TCERG1L: variants seen among roughly 807,000 people sequenced by gnomAD.
TCERG1L encodes transcription elongation regulator 1-like protein.
In TCERG1L, 37 loss-of-function variants were observed where a neutral mutation model predicts 56.3. The observed-to-expected ratio is 0.66, with a 90% CI of 0.51 to 0.87. TCERG1L has a LOEUF of 0.87. TCERG1L is among the 40% of genes least tolerant of loss of function. The pLI, the probability that TCERG1L is intolerant of heterozygous loss-of-function variation, is 0.00. For missense variants in TCERG1L, 799 were observed against 774.2 expected, an observed-to-expected ratio of 1.03 and a Z score of -0.38; for synonymous variants, 324 against 326.3, an observed-to-expected ratio of 0.99 and a Z score of 0.08.
intron 4 of TCERG1L, among the ~76,000 whole-genome samples, chr10:131,171,032 G>C (rs1408762200): frequency 6.6e-6 from 1 of 152,108 alleles, no homozygotes; most frequent in Non-Finnish European, 1.5e-5. Flanking sequence ...TGTAATCCCA[G>C]CTACTCAGGA....
intron 9 of TCERG1L, among the ~76,000 whole-genome samples, chr10:131,107,291 G>A (rs752545848): frequency 7.9e-5 from 12 of 152,284 alleles, no homozygotes; most frequent in African/African-American, 1.9e-4. Flanking sequence ...GTGGCATAAC[G>A]ACACCAGTTT....
At chr10:131,203,755 C>A (rs1385199615) in intron 4 of TCERG1L, among the ~76,000 whole-genome samples, 1 of 152,192 alleles carries the variant, frequency 6.6e-6, no homozygotes, top group Non-Finnish European at 1.5e-5. Context: ...ATCCCGCCGG[C>A]GAGCGCTAGC....
Position 131,111,936 on chromosome 10 carries a change from G to GC in TCERG1L, c.1395+4862dup, listed in dbSNP as rs1288754222. Among the ~76,000 whole-genome samples the GC allele has an allele frequency of 9.1e-5, 13 of 142,880 alleles. 1 individual carries two copies. The highest frequency in any genetic ancestry group is 1.9e-4 in the Non-Finnish European group (12 of 63,384). 93.7% of individuals were successfully genotyped at this position (142,880 alleles called of 152,430 possible). On this transcript the variant is annotated intron_variant, in intron 9 of 11. Coordinates refer to ENST00000368642, the MANE Select transcript of TCERG1L (RefSeq NM_174937.4). ...CCCTTGGTCCCTAGTCATGGGCCCTGCCCCCCAGCCTCTCTTCTCAGCGCA... is the reference window on the plus strand; with the variant it reads ...CCCTTGGTCCCTAGTCATGGGCCCTGCCCCCCCAGCCTCTCTTCTCAGCGCA...
intron 4 of TCERG1L, among the ~76,000 whole-genome samples, chr10:131,246,469 G>A (rs905655498): frequency 2.6e-5 from 4 of 152,106 alleles, no homozygotes; most frequent in Non-Finnish European, 2.9e-5. Flanking sequence ...GGCCCCACAT[G>A]ACTGGGACAG....
At chr10:131,300,879 ATGCAAT>A (rs1846755007) in intron 3 of TCERG1L, among the ~76,000 whole-genome samples, 1 of 152,038 alleles carries the variant, frequency 6.6e-6, no homozygotes, top group Non-Finnish European at 1.5e-5. Flanking sequence ...CTGTTAGTGA[ATGCAAT>A]TTTGTCAGTG....
intron 10 of TCERG1L, among the ~76,000 whole-genome samples, chr10:131,099,402 C>T (rs192719346): frequency 7.8e-4 from 119 of 152,334 alleles, no homozygotes; most frequent in Non-Finnish European, 1.5e-3. Context: ...CCTAATGCTA[C>T]CCCAAACTCA....
rs192685488 is a variant in TCERG1L at position 131,113,362 on chromosome 10, G to T, written c.1395+3437C>A. 1.4e-5 allele frequency among the ~76,000 whole-genome samples: 2 copies of T among 141,944 alleles called. 1 individual carries two copies. The highest frequency in any genetic ancestry group is 5.0e-5 in the African/African-American group (2 of 40,302). 93.1% of individuals were successfully genotyped at this position (141,944 alleles called of 152,430 possible). On this transcript the variant is annotated intron_variant, in intron 9 of 11. Transcript: ENST00000368642. ...CCAGCCTAGCCCTTTCTGTGCACGC[G>T]TGCCCTGGCTGAAGGCTGGTGAAGC...
intron 3 of TCERG1L, among the ~76,000 whole-genome samples, chr10:131,285,504 GAAAGAAAGAAAGAA>G (rs1564833879): frequency 1.9e-4 from 4 of 20,986 alleles, no homozygotes; most frequent in African/African-American, 3.6e-4. Flanking sequence ...AAGAAAGAAA[GAAAGAAAGAAAGAA>G]AGAAAGAGAG....
At chr10:131,151,906 G>A (rs1053476713) in intron 6 of TCERG1L, among the ~76,000 whole-genome samples, 2 of 152,216 alleles carry the variant, frequency 1.3e-5, no homozygotes, top group Admixed American at 6.5e-5. Context: ...AGCCACCAAG[G>A]CTTGGGGCTT....
At chr10:131,184,087 T>C (rs1273538840) in intron 4 of TCERG1L, among the ~76,000 whole-genome samples, 2 of 152,202 alleles carry the variant, frequency 1.3e-5, no homozygotes, top group African/African-American at 4.8e-5. Context: ...TGCTCTCCTC[T>C]TTGCCCAGCA....
intron 10 of TCERG1L, among the ~76,000 whole-genome samples, chr10:131,102,178 T>C (rs183081898): frequency 6.7e-4 from 102 of 152,372 alleles, no homozygotes; most frequent in African/African-American, 2.2e-3. Flanking sequence ...TTAAAATATT[T>C]CTTTATAGAA....
At chr10:131,231,719 T>G (rs1222300847) in intron 4 of TCERG1L, among the ~76,000 whole-genome samples, 1 of 152,012 alleles carries the variant, frequency 6.6e-6, no homozygotes, top group East Asian at 1.9e-4. Flanking sequence ...GGCCGGCACG[T>G]GGGGGGAAGT....
At position 131,136,443 on chromosome 10, in the gene TCERG1L, GCCACCT is replaced by G. The variant is rs540321990; in HGVS notation, c.1190-2001_1190-1996del. ...CTTGAGAGGAAACCATGAGACTGGG[GCCACCT>G]CCGTGGCTGCTGCCCCAGGGAGGGG... On this transcript the variant is annotated intron_variant, in intron 7 of 11. Coordinates refer to ENST00000368642, the MANE Select transcript of TCERG1L (RefSeq NM_174937.4). Among the ~76,000 whole-genome samples, 906 of 152,234 alleles carry G rather than the reference GCCACCT, an allele frequency of 6.0e-3. 5 individuals carry two copies. The highest frequency in any genetic ancestry group is 9.7e-3 in the Non-Finnish European group (663 of 68,020).
intron 3 of TCERG1L, among the ~76,000 whole-genome samples, chr10:131,279,460 G>A (rs558590635): frequency 2.9e-4 from 44 of 152,256 alleles, no homozygotes; most frequent in African/African-American, 9.1e-4. Flanking sequence ...CATCATGCCC[G>A]GAGTCTCTAG....
intron 3 of TCERG1L, among the ~76,000 whole-genome samples, chr10:131,284,787 G>C (rs1449486383): frequency 6.6e-6 from 1 of 152,010 alleles, no homozygotes; most frequent in Non-Finnish European, 1.5e-5. Context: ...AAACTTAGAT[G>C]CAAGTATAAA....
At chr10:131,207,467 A>T (rs1256233260) in intron 4 of TCERG1L, among the ~76,000 whole-genome samples, 1 of 152,248 alleles carries the variant, frequency 6.6e-6, no homozygotes, top group Admixed American at 6.5e-5. Context: ...ACATGAAGAC[A>T]GATGTTCCCT....
chr10:131,122,381 C>T (rs1213676414), intron 8 of TCERG1L, among the ~76,000 whole-genome samples: 7 of 152,178 alleles, frequency 4.6e-5, no homozygotes, highest in Non-Finnish European at 8.8e-5. Flanking sequence ...CCACCCACCA[C>T]CTGACATCCA....
At chr10:131,098,731 G>T (rs146968930) in intron 10 of TCERG1L, among the ~76,000 whole-genome samples, 1 of 152,150 alleles carries the variant, frequency 6.6e-6, no homozygotes, top group Admixed American at 6.5e-5. Context: ...CTCTGCAGGC[G>T]TCTGGAACCA....
chr10:131,290,525 G>C (rs890800656), intron 3 of TCERG1L, among the ~76,000 whole-genome samples: 1 of 151,552 alleles, frequency 6.6e-6, no homozygotes, highest in Non-Finnish European at 1.5e-5. Flanking sequence ...AAGATACTTG[G>C]GAGGCTGAGA....
Sources: allele counts gnomAD v4.1 joint callset (sites outside exome capture counted in the v4.1 genomes callset), GRCh38; gene constraint gnomAD v4.1.1; transcripts MANE v1.5; gene names NCBI Gene and HGNC (gene_info 2026-07-23, HGNC 2026-07-21).